Variants in EPX observed in about 807,000 individuals in gnomAD.
EPX encodes eosinophil peroxidase.
EPX carries 60 observed loss-of-function variants against 73.0 expected under a neutral mutation model. That is an observed-to-expected ratio of 0.82 (90% CI 0.67 to 1.02). The LOEUF is 1.02. Ranked by LOEUF, EPX falls within the 50% of genes least tolerant of loss-of-function variation. EPX has a pLI of 0.00. For synonymous variants in EPX, 347 were observed against 389.2 expected (o/e 0.89, Z 1.28); for missense variants, 950 against 973.9 (o/e 0.98, Z 0.33).
rs139297305 is a variant in EPX at position 58,197,019 on chromosome 17, C to G, written c.882C>G (p.Asn294Lys). 3 of 1,614,186 alleles carry G rather than the reference C, an allele frequency of 1.9e-6. No homozygotes were observed. The highest frequency in any genetic ancestry group is 2.5e-6 in the Non-Finnish European group (3 of 1,180,024). The change falls in exon 7 of 13, where the codon AAC becomes AAG. Residue 294 changes from asparagine (N) to lysine (K), a missense_variant. Coordinates refer to ENST00000225371, the MANE Select transcript of EPX (RefSeq NM_000502.6). ...FFRSAPSCPQ[N>K]KNRVRNQINA... ...GCTCGGCACCCTCATGCCCCCAAAA[C>G]AAGAACAGAGTCCGCAACCAGATCA...
intron 8 of EPX, 66 bp from the exon 9 acceptor site, chr17:58,199,473 C>T: frequency 6.4e-7 from 1 of 1,568,356 alleles, no homozygotes; most frequent in Non-Finnish European, 8.8e-7. Context: ...TCTGAGCCAC[C>T]CTTTGAAAAG....
At chr17:58,196,710 C>T (rs1335062481) in intron 6 of EPX, among the ~76,000 whole-genome samples, 5 of 152,144 alleles carry the variant, frequency 3.3e-5, no homozygotes, top group African/African-American at 4.8e-5. Flanking sequence ...AAATGAGGAT[C>T]GAGATTGTTT....
In EPX at chr17:58,199,731, G is replaced by C; in HGVS notation, c.1474G>C (p.Ala492Pro). ...CTTGGACAGTCAGTACCGGGCCTCC[G>C]CACCCAACTCGCATGTCCCACTTAG... ...FRLDSQYRAS[A>P]PNSHVPLSSA... Residue 492 changes from alanine to proline, a missense_variant, in exon 9 of 13, where the codon GCA (alanine) becomes CCA (proline). By Grantham distance (27) the Ala-to-Pro change is conservative (BLOSUM62 -1). Transcript: ENST00000225371. 6.2e-7 allele frequency: 1 copy of C among 1,613,624 alleles called. No individual in the cohort carries two copies. The highest frequency in any genetic ancestry group is 2.2e-5 in the East Asian group (1 of 44,870).
Position 58,195,220 on chromosome 17 carries a change from G to C in EPX, c.801+50G>C, listed in dbSNP as rs763472367. 2.8e-6 allele frequency: 4 copies of C among 1,439,492 alleles called. No homozygotes were observed. The South Asian group carries it at 4.6e-5, about 16-fold the overall frequency. The allele number at this position is 1,439,492 out of a possible 1,614,324, so 89.2% of individuals were successfully genotyped here. ...ATGCCCTTGTGTGGCCTCCCCCAAA[G>C]GCAAGGTGCTGGGGGTGGGGATCTG... On this transcript the variant is annotated intron_variant, in intron 6 of 12. Transcript: ENST00000225371.
At chr17:58,196,047 C>T (rs1488772438) in intron 6 of EPX, among the ~76,000 whole-genome samples, 5 of 138,818 alleles carry the variant, frequency 3.6e-5, no homozygotes, top group Non-Finnish European at 6.2e-5. Context: ...CTTTCTTTTT[C>T]TTTCTTTTTC....
At chr17:58,198,127 C>T (rs1433664458) in intron 7 of EPX, among the ~76,000 whole-genome samples, 2 of 152,216 alleles carry the variant, frequency 1.3e-5, no homozygotes, top group East Asian at 1.9e-4. Context: ...TGAGCCACCA[C>T]GCCCAACCTT....
chr17:58,203,460 T>C (rs1162766477), intron 11 of EPX, 142 bp downstream of exon 11: 3 of 741,328 alleles, frequency 4.0e-6, no homozygotes, highest in Non-Finnish European at 7.1e-6. Context: ...AGGAGGCTCC[T>C]CTCTGAAAAG....
chr17:58,194,878 C>T lies in EPX; in HGVS notation c.595-86C>T. On this transcript the variant is annotated intron_variant, in intron 5 of 12. Transcript: ENST00000225371. Reference sequence around the variant, plus strand: ...GAGGCTGTCAATTCCAGCAGGGGAGCTGCTGCTCCCTGAGTCCTGGGTTGG... The same window carrying T: ...GAGGCTGTCAATTCCAGCAGGGGAGTTGCTGCTCCCTGAGTCCTGGGTTGG... 3.1e-6 allele frequency: 3 copies of T among 968,230 alleles called. No individual in the cohort carries two copies. The South Asian group carries it at 4.1e-5, about 13-fold the overall frequency. 60.0% of individuals were successfully genotyped at this position (968,230 alleles called of 1,614,324 possible).
chr17:58,199,246 A>C (rs748477324), intron 8 of EPX, 46 bp downstream of exon 8: 1 of 1,597,208 alleles, frequency 6.3e-7, no homozygotes, highest in Non-Finnish European at 8.6e-7. Context: ...CAAGCTTGGC[A>C]TGAGAAGCAG....
At chr17:58,203,889 G>A (rs1488228024) in intron 11 of EPX, among the ~76,000 whole-genome samples, 3 of 112,018 alleles carry the variant, frequency 2.7e-5, no homozygotes, top group African/African-American at 3.5e-5. Flanking sequence ...CCGAGATCCT[G>A]CCACTGCACT....
At chr17:58,203,351 C>A in intron 11 of EPX, 33 bp downstream of exon 11, 1 of 1,388,444 alleles carries the variant, frequency 7.2e-7, no homozygotes, top group Non-Finnish European at 1.0e-6. Context: ...ACATCAGCAC[C>A]AGAGGCAGAG....
At chr17:58,197,302 C>T (rs1391261716) in intron 7 of EPX, 45 bp downstream of exon 7, 19 of 1,602,832 alleles carry the variant, frequency 1.2e-5, no homozygotes, top group Non-Finnish European at 1.5e-5. Flanking sequence ...AACAGCCATC[C>T]CTGGGGTCCC....
At chr17:58,203,804 C>T (rs1030938958) in intron 11 of EPX, among the ~76,000 whole-genome samples, 3 of 149,072 alleles carry the variant, frequency 2.0e-5, no homozygotes, top group Admixed American at 6.6e-5. Flanking sequence ...TAGTGGCGGG[C>T]GCCTGTAGTC....
rs530520940 is a variant in EPX, at chr17:58,203,190, T to C, written c.1818T>C (p.Tyr606=). 253 of 1,614,158 alleles carry C rather than the reference T, an allele frequency of 1.6e-4. 1 individual carries two copies. The South Asian group carries it at 2.3e-3, about 15-fold the overall frequency. ...TGGCAAGGAAGTTCCTGAATTTGTA[T>C]GGAACACCTGACAACATTGACATCT... ...QDLARKFLNL[Y]GTPDNIDIWI... The change falls in exon 11 of 13, where the codon TAT becomes TAC. Residue 606 remains tyrosine (Y), a synonymous_variant. Coordinates refer to ENST00000225371, the MANE Select transcript of EPX (RefSeq NM_000502.6).
intron 10 of EPX, among the ~76,000 whole-genome samples, chr17:58,200,613 T>G (rs1410152648): frequency 6.6e-6 from 1 of 152,156 alleles, no homozygotes; most frequent in Non-Finnish European, 1.5e-5. Context: ...GCTCCAGCTT[T>G]AGGTTCACCA....
At position 58,200,336 on chromosome 17, in the gene EPX, G is replaced by C; in HGVS notation, c.1649G>C (p.Arg550Thr). ...GACCGGCTGTTTCGGCAAGTGAGGA[G>C]GATTGGGCTGGACCTGGCAGCTCTC... ...LRDRLFRQVR[R>T]IGLDLAALNM... Residue 550 changes from arginine (R) to threonine (T), a missense_variant, in exon 10 of 13, where the codon AGG (arginine) becomes ACG (threonine). By Grantham distance (71) the Arg-to-Thr change is moderately conservative. Transcript: ENST00000225371. 2 of 1,614,258 alleles carry C rather than the reference G, an allele frequency of 1.2e-6. No individual in the cohort carries two copies.
At chr17:58,202,592 T>C (rs889534781) in intron 10 of EPX, 3 of 245,276 alleles carry the variant, frequency 1.2e-5, no homozygotes, top group Non-Finnish European at 2.4e-5. Context: ...TATTGACCTA[T>C]GCAGGACCTC....
Position 58,193,478 on chromosome 17 carries a change from TG to T in EPX, c.279del (p.Met93IlefsTer26). ...TRTVVRAADY[M>X]HVALGLLEEK... The stretch of plus-strand genomic sequence containing the variant: ...ACAGTTGTTCGGGCCGCAGATTATA[TG>T]CATGTGGCTTTGGGGCTGCTTGAAG... On this transcript the variant is annotated frameshift_variant, in exon 3 of 13. Transcript: ENST00000225371. LOFTEE classifies it high-confidence loss of function. 1 of 1,614,166 alleles carries T rather than the reference TG, an allele frequency of 6.2e-7. No homozygotes were observed. Among genetic ancestry groups the T allele is most frequent in the Non-Finnish European group, 8.5e-7 (1 of 1,180,006 alleles).
intron 11 of EPX, 87 bp downstream of exon 11, chr17:58,203,405 G>C (rs531849355): frequency 1.1e-6 from 1 of 900,382 alleles, no homozygotes; most frequent in South Asian, 1.3e-5. Flanking sequence ...GAAGAACACT[G>C]CTCTTTTTAG....
Sources: gnomAD v4.1 joint callset for allele counts (sites outside exome capture counted in the v4.1 genomes callset) on GRCh38, gnomAD v4.1.1 for gene constraint, MANE v1.5 for transcripts, NCBI Gene and HGNC (gene_info 2026-07-23, HGNC 2026-07-21) for gene names.